PHF12: variants seen among roughly 807,000 people sequenced by gnomAD.
PHF12 encodes PHD factor 1.
Under a neutral mutation model 99.8 loss-of-function variants are expected in PHF12, and 6 were observed. The observed-to-expected ratio is 0.06, with a 90% CI of 0.03 to 0.12. The LOEUF (loss-of-function observed/expected upper bound fraction) is 0.12. Among genes scored for constraint, PHF12 ranks in the 10% least tolerant of loss-of-function variants. The pLI is 1.00. For synonymous variants in PHF12, 480 were observed against 514.9 expected (o/e 0.93, Z 0.92); for missense variants, 954 against 1,300.1 (o/e 0.73, Z 4.09).
chr17:28,931,874 G>A (rs1436373387), intron 2 of PHF12, among the ~76,000 whole-genome samples: 1 of 152,014 alleles, frequency 6.6e-6, no homozygotes, highest in Non-Finnish European at 1.5e-5. Flanking sequence ...GAGCCACTGT[G>A]CCTGGCCAAG....
chr17:28,911,182 A>G lies in PHF12; in HGVS notation c.2145T>C (p.Ser715=), dbSNP rs201318522. The G allele has an allele frequency of 1.9e-5, 30 of 1,614,104 alleles. No homozygotes were observed. The highest frequency in any genetic ancestry group is 1.0e-4 in the Admixed American group (6 of 60,000). ...LSIGSALTVP[S]FPANSTAMVD... is the part of the protein sequence containing the mutation. ...CCATGGCAGTAGAGTTGGCTGGGAA[A>G]GAGGGTACGGTTAAAGCGCTTCCTA... The change falls in exon 10 of 15, where the codon TCT becomes TCC. Residue 715 remains serine, a synonymous_variant. Transcript: ENST00000332830.
chr17:28,942,558 C>A (rs766501410), intron 2 of PHF12, among the ~76,000 whole-genome samples: 2 of 152,116 alleles, frequency 1.3e-5, no homozygotes, highest in Non-Finnish European at 2.9e-5. Flanking sequence ...TGGCTCACAC[C>A]TGTAATCCCA....
intron 2 of PHF12, among the ~76,000 whole-genome samples, chr17:28,939,578 C>G (rs1728448727): frequency 6.6e-6 from 1 of 152,194 alleles, no homozygotes; most frequent in African/African-American, 2.4e-5. Flanking sequence ...TCACAGGAGC[C>G]TAGGGGTAGT....
intron 2 of PHF12, among the ~76,000 whole-genome samples, chr17:28,947,031 T>G (rs1270239841): frequency 2.0e-5 from 3 of 152,104 alleles, no homozygotes; most frequent in East Asian, 1.9e-4. Flanking sequence ...TCACCTAGGC[T>G]GGGGTGCAGT....
chr17:28,910,489 C>CAATGCTGTTTGAGTAA, intron 10 of PHF12, 120 bp from the exon 11 acceptor site: 1 of 1,232,508 alleles, frequency 8.1e-7, no homozygotes, highest in Non-Finnish European at 1.1e-6. Context: ...GATTTTTACT[C>CAATGCTGTTTGAGTAA]AAACAGCATT....
chr17:28,922,971 T>C (rs1407858077), intron 4 of PHF12, among the ~76,000 whole-genome samples: 2 of 151,960 alleles, frequency 1.3e-5, no homozygotes, highest in African/African-American at 4.8e-5. Context: ...TCCCAGCTAC[T>C]TGGGAGGCTG....
At chr17:28,907,376 A>C in intron 13 of PHF12, 1 of 569,336 alleles carries the variant, frequency 1.8e-6, no homozygotes. Flanking sequence ...AACCTCAGGA[A>C]AAATGGTAGC....
At position 28,924,318 on chromosome 17, in the gene PHF12, G is replaced by C; in HGVS notation, c.322-16C>G. On this transcript the variant is annotated splice_polypyrimidine_tract_variant and intron_variant, in intron 3 of 14. Transcript: ENST00000332830. ...GCTCTCGTTTCTGTGCAAATGAACA[G>C]GTGGGCCCATCATGAAAAGTACCAT... 3 of 1,614,114 alleles carry C rather than the reference G, an allele frequency of 1.9e-6. No individual in the cohort carries two copies. The highest frequency in any genetic ancestry group is 2.5e-6 in the Non-Finnish European group (3 of 1,180,034).
At chr17:28,910,493 C>G (rs1241430213) in intron 10 of PHF12, 124 bp from the exon 11 acceptor site, 1 of 1,176,574 alleles carries the variant, frequency 8.5e-7, no homozygotes, top group Non-Finnish European at 1.2e-6. Context: ...TTTACTCAAA[C>G]AGCATTGAGT....
At position 28,950,908 on chromosome 17, in the gene PHF12, C is replaced by T. The variant is rs1334693623; in HGVS notation, c.53G>A (p.Gly18Glu). The change falls in exon 1 of 15, where the codon GGG becomes GAG. Residue 18 changes from glycine to glutamate, a missense_variant. Coordinates refer to ENST00000332830, the MANE Select transcript of PHF12 (RefSeq NM_001033561.2). The surrounding 1 kb of genome is among the most constrained non-coding windows in gnomAD (Gnocchi z 5.7). ...KTIVYDLDTS[G>E]GLMEQIQALL... ...GGCCACTCTTACCTCCATCAGCCCC[C>T]CTGATGTGTCCAAGTCGTACACGAT... is the stretch of plus-strand genomic sequence containing the variant. 2 of 1,613,964 alleles carry T rather than the reference C, an allele frequency of 1.2e-6. No homozygotes were observed. Among genetic ancestry groups the T allele is most frequent in the Admixed American group, 1.7e-5 (1 of 60,006 alleles).
chr17:28,931,105 C>T (rs1341245143), intron 2 of PHF12, among the ~76,000 whole-genome samples: 1 of 152,102 alleles, frequency 6.6e-6, no homozygotes, highest in Non-Finnish European at 1.5e-5. Context: ...CCACACATTC[C>T]TCAGAACTCT....
At chr17:28,941,840 CAAGTGATCCACCTGCCTCGGCTCCCCA>C (rs936580302) in intron 2 of PHF12, among the ~76,000 whole-genome samples, 3 of 152,158 alleles carry the variant, frequency 2.0e-5, no homozygotes, top group African/African-American at 7.2e-5. Flanking sequence ...CTCCTGACCT[CAAGTGATCCACCTGCCTCGGCTCCCCA>C]AAGTGCTGGG....
rs573849080 is a variant in PHF12, at chr17:28,910,437, T to A, written c.2216-68A>T. ...AGTGGAATGTGGAAGCAAATCAGGGTCACAGAGCAAATAGTTTGGCATTTC... is the reference window on the plus strand; with the variant it reads ...AGTGGAATGTGGAAGCAAATCAGGGACACAGAGCAAATAGTTTGGCATTTC... On this transcript the variant is annotated intron_variant, in intron 10 of 14. Coordinates refer to ENST00000332830, the MANE Select transcript of PHF12 (RefSeq NM_001033561.2). 2.1e-3 allele frequency: 3,184 copies of A among 1,519,236 alleles called. 4 individuals are homozygous for A. The highest frequency in any genetic ancestry group is 2.6e-3 in the Non-Finnish European group (2,899 of 1,121,000). 94.1% of individuals were successfully genotyped at this position (1,519,236 alleles called of 1,614,324 possible). A position where few individuals can be genotyped will look rare whatever the true frequency, so the allele number is the denominator to read the frequency against.
At position 28,905,975 on chromosome 17, in the gene PHF12, A is replaced by G. The variant is rs997816765; in HGVS notation, c.*208T>C. On this transcript the variant is annotated 3_prime_UTR_variant, in exon 15 of 15. Coordinates refer to ENST00000332830, the MANE Select transcript of PHF12 (RefSeq NM_001033561.2). ...CGCTTTCCCATGAAATGTTGAGTAC[A>G]AATATATGTGCAAATGCCCCCTAGA... 1 of 551,902 alleles carries G rather than the reference A, an allele frequency of 1.8e-6. No individual in the cohort carries two copies. The highest frequency in any genetic ancestry group is 3.6e-5 in the Admixed American group (1 of 27,758). The allele number at this position is 551,902 out of a possible 1,614,324, so 34.2% of individuals were successfully genotyped here.
intron 2 of PHF12, among the ~76,000 whole-genome samples, chr17:28,934,745 C>A (rs567137252): frequency 6.6e-6 from 1 of 151,962 alleles, no homozygotes; most frequent in South Asian, 2.1e-4. Context: ...GGATTACAGG[C>A]ACCCGCCACC....
Position 28,951,015 on chromosome 17 carries a change from G to A in PHF12, c.-55C>T, listed in dbSNP as rs949413085. ...GCTCCGGCCCCCCCAACCCCGGGGGGAGGGGGGAGGTGAGGGGAGGGGGCG... is the reference window on the plus strand; with the variant it reads ...GCTCCGGCCCCCCCAACCCCGGGGGAAGGGGGGAGGTGAGGGGAGGGGGCG... On this transcript the variant is annotated 5_prime_UTR_variant, in exon 1 of 15. Coordinates refer to ENST00000332830, the MANE Select transcript of PHF12 (RefSeq NM_001033561.2). The A allele has an allele frequency of 5.0e-6, 8 of 1,609,884 alleles. No homozygotes were observed. The highest frequency in any genetic ancestry group is 2.2e-5 in the East Asian group (1 of 44,682).
chr17:28,907,639 C>T lies in PHF12; in HGVS notation c.2492G>A (p.Gly831Asp). 2 of 1,613,894 alleles carry T rather than the reference C, an allele frequency of 1.2e-6. No individual in the cohort carries two copies. Among genetic ancestry groups the T allele is most frequent in the Non-Finnish European group, 1.7e-6 (2 of 1,179,902 alleles). Residue 831 changes from glycine (G) to aspartate (D), a missense_variant, in exon 13 of 15, where the codon GGT (glycine) becomes GAT (aspartate). Physicochemically the swap from Gly to Asp is moderately conservative, Grantham distance 94 (BLOSUM62 -1). This residue lies in a region of PHF12 where 143 missense variants were observed against 191.8 expected (regional missense o/e 0.75). Transcript: ENST00000332830. The stretch of plus-strand genomic sequence containing the variant: ...TTTCCCGGACACGTAGTTACAGTGA[C>T]CATAGTTTGTAAGGCACACATCCAT... ...ADMDVCLTNYGHCNYVSGKHA... is the reference protein window; with the variant it reads ...ADMDVCLTNYDHCNYVSGKHA...
intron 12 of PHF12, 38 bp from the exon 13 acceptor site, chr17:28,907,710 G>C: frequency 6.3e-7 from 1 of 1,588,728 alleles, no homozygotes; most frequent in East Asian, 2.2e-5. Context: ...GGAAGGCAGA[G>C]AACAGATTGT....
intron 3 of PHF12, 192 bp downstream of exon 3, chr17:28,926,799 G>T: frequency 6.5e-7 from 1 of 1,529,462 alleles, no homozygotes; most frequent in Non-Finnish European, 8.8e-7. Context: ...GCCCATTTCA[G>T]CAGCCCATGT....
Sources: gnomAD v4.1 joint callset for allele counts (sites outside exome capture counted in the v4.1 genomes callset) on GRCh38, gnomAD v4.1.1 for gene constraint, gnomAD v4.1.1 regional missense constraint, Gnocchi (gnomAD v3.1) non-coding constraint, MANE v1.5 for transcripts, NCBI Gene and HGNC (gene_info 2026-07-23, HGNC 2026-07-21) for gene names.